CEP85: variants seen among roughly 807,000 people sequenced by gnomAD.
CEP85 encodes the protein centrosomal protein of 85 kDa.
In CEP85, 58 loss-of-function variants were observed where a neutral mutation model predicts 93.7. That is an observed-to-expected ratio of 0.62 (90% CI 0.50 to 0.77). CEP85 has a LOEUF of 0.77. Among genes scored for constraint, CEP85 ranks in the 30% least tolerant of loss-of-function variants. The pLI is 0.00. For missense variants in CEP85, 868 were observed against 922.0 expected (o/e 0.94, Z 0.76); for synonymous variants, 314 against 338.6 (o/e 0.93, Z 0.80).
chr1:26,252,551 A>G (rs1250951187), intron 3 of CEP85, among the ~76,000 whole-genome samples: 1 of 152,140 alleles, frequency 6.6e-6, no homozygotes, highest in Non-Finnish European at 1.5e-5. Flanking sequence ...AAAACAAAAA[A>G]TTGTATTGCT....
intron 2 of CEP85, 40 bp downstream of exon 2, chr1:26,239,878 T>C: frequency 6.8e-7 from 1 of 1,479,780 alleles, no homozygotes; most frequent in South Asian, 1.1e-5. Context: ...TTCTGACCTT[T>C]GTTCTGTTTT....
chr1:26,268,768 C>A, intron 8 of CEP85, 133 bp downstream of exon 8: 2 of 931,396 alleles, frequency 2.1e-6, no homozygotes, highest in Non-Finnish European at 1.5e-6. Context: ...TGTCCAGATT[C>A]ATAATTGTCA....
At chr1:26,245,018 A>G (rs558938176) in intron 3 of CEP85, among the ~76,000 whole-genome samples, 2 of 152,118 alleles carry the variant, frequency 1.3e-5, no homozygotes, top group South Asian at 4.2e-4. Flanking sequence ...GCTGTCACCA[A>G]GTCTGAACGT....
chr1:26,257,514 A>G (rs1375149376), intron 4 of CEP85, 83 bp from the exon 5 acceptor site: 1 of 1,533,220 alleles, frequency 6.5e-7, no homozygotes, highest in Non-Finnish European at 8.9e-7. Flanking sequence ...GGCTTTGACT[A>G]CAGACCCAGC....
intron 1 of CEP85, among the ~76,000 whole-genome samples, chr1:26,234,866 C>T (rs550870741): frequency 1.3e-5 from 2 of 152,294 alleles, no homozygotes; most frequent in Non-Finnish European, 2.9e-5. Context: ...TTTTGCTTCC[C>T]TGGGGACATT....
chr1:26,269,780 G>A (rs898363077), intron 9 of CEP85, among the ~76,000 whole-genome samples, 166 bp downstream of exon 9: 4 of 105,528 alleles, frequency 3.8e-5, no homozygotes, highest in African/African-American at 1.3e-4. Flanking sequence ...TATGGGAAGC[G>A]GCTTTTTTTT....
intron 3 of CEP85, among the ~76,000 whole-genome samples, chr1:26,254,294 T>TC (rs1431108623): frequency 6.6e-6 from 1 of 152,094 alleles, no homozygotes; most frequent in African/African-American, 2.4e-5. Context: ...CTTGCAGTAG[T>TC]CCCCCTCAGA....
At chr1:26,248,347 A>G (rs1286537574) in intron 3 of CEP85, among the ~76,000 whole-genome samples, 1 of 152,200 alleles carries the variant, frequency 6.6e-6, no homozygotes, top group Non-Finnish European at 1.5e-5. Context: ...GACCAGCTGT[A>G]TTTAATTCAG....
chr1:26,266,807 A>C (rs1464795282), intron 7 of CEP85, among the ~76,000 whole-genome samples: 2 of 152,260 alleles, frequency 1.3e-5, no homozygotes, highest in African/African-American at 4.8e-5. Context: ...GCCTCTGTTC[A>C]AATCTTTATT....
chr1:26,238,664 A>G (rs890251072), intron 1 of CEP85, among the ~76,000 whole-genome samples: 3 of 152,228 alleles, frequency 2.0e-5, no homozygotes, highest in Non-Finnish European at 4.4e-5. Flanking sequence ...AAGTGAATTA[A>G]CATGAATTAG....
chr1:26,275,051 C>G lies in CEP85; in HGVS notation c.1882C>G (p.Leu628Val). 6.3e-7 allele frequency: 1 copy of G among 1,577,998 alleles called. No homozygotes were observed. The highest frequency in any genetic ancestry group is 8.6e-7 in the Non-Finnish European group (1 of 1,161,736). Residue 628 changes from leucine (L) to valine (V), a missense_variant, in exon 12 of 14, where the codon CTG becomes GTG. Coordinates refer to ENST00000451429, the MANE Select transcript of CEP85 (RefSeq NM_001319944.2). ...AQRRDSALQQ[L>V]RTAVKELSVQ... ...GCGAAGGGATTCAGCCCTGCAGCAG[C>G]TGCGCACAGCCGTGAAGGAGGTGAG... is the stretch of plus-strand genomic sequence containing the variant.
chr1:26,271,129 G>T (rs2089968574), intron 10 of CEP85, 22 bp downstream of exon 10: 1 of 1,403,996 alleles, frequency 7.1e-7, no homozygotes, highest in South Asian at 1.2e-5. Flanking sequence ...TGTCCAGGCT[G>T]TAACGGAGGG....
intron 7 of CEP85, among the ~76,000 whole-genome samples, chr1:26,261,942 A>G (rs1202579420): frequency 6.6e-6 from 1 of 152,012 alleles, no homozygotes; most frequent in Non-Finnish European, 1.5e-5. Context: ...AGGCCAAGGC[A>G]GGCGAATCAC....
chr1:26,257,805 C>G, intron 5 of CEP85, 75 bp downstream of exon 5: 2 of 1,509,700 alleles, frequency 1.3e-6, no homozygotes, highest in South Asian at 2.4e-5. Context: ...GGAGTCTTCC[C>G]AAGGGCAAAG....
Position 26,234,200 on chromosome 1 carries a change from G to C in CEP85, c.-133G>C, listed in dbSNP as rs999723550. The C allele has an allele frequency of 6.6e-6, 1 of 152,324 alleles. No individual in the cohort carries two copies. Among genetic ancestry groups the C allele is most frequent in the Non-Finnish European group, 1.5e-5 (1 of 68,104 alleles). The allele number at this position is 152,324 out of a possible 1,614,324, so 9.4% of individuals were successfully genotyped here. On this transcript the variant is annotated 5_prime_UTR_variant, in exon 1 of 14. Transcript: ENST00000451429. ...TTCTGTGGCGCGCGGCCTGGCGGGC[G>C]TGCAACGGCCGTTAGAGGAGCTGAG...
At chr1:26,254,364 A>C (rs2089663733) in intron 3 of CEP85, among the ~76,000 whole-genome samples, 1 of 152,062 alleles carries the variant, frequency 6.6e-6, no homozygotes, top group Non-Finnish European at 1.5e-5. Flanking sequence ...GGGCTAATCA[A>C]GGGTTGTCTC....
chr1:26,266,681 C>T (rs1291491319), intron 7 of CEP85, among the ~76,000 whole-genome samples: 2 of 152,148 alleles, frequency 1.3e-5, no homozygotes, highest in African/African-American at 2.4e-5. Context: ...AGGCCTTTGC[C>T]GCCTCTTTGA....
rs1362351156 is a variant in CEP85 at position 26,269,781 on chromosome 1, GC to G, written c.1649+168del. Among the ~76,000 whole-genome samples the G allele has an allele frequency of 3.2e-3, 253 of 78,152 alleles. 2 individuals carry two copies. Among genetic ancestry groups the G allele is most frequent in the African/African-American group, 9.7e-3 (237 of 24,510 alleles). The allele number at this position is 78,152 out of a possible 152,430, so 51.3% of individuals were successfully genotyped here. On this transcript the variant is annotated intron_variant, in intron 9 of 13. Coordinates refer to ENST00000451429, the MANE Select transcript of CEP85 (RefSeq NM_001319944.2). ...ATAGGAAAGCTGCTTATGGGAAGCG[GC>G]TTTTTTTTTTTTTTTTTTTTTTGAG...
chr1:26,269,995 C>A (rs1181091637), intron 9 of CEP85, among the ~76,000 whole-genome samples: 1 of 151,868 alleles, frequency 6.6e-6, no homozygotes. Flanking sequence ...TCACCGTGGT[C>A]TCGATCTCCT....
Sources: gnomAD v4.1 joint callset for allele counts (sites outside exome capture counted in the v4.1 genomes callset) on GRCh38, gnomAD v4.1.1 for gene constraint, MANE v1.5 for transcripts, NCBI Gene and HGNC (gene_info 2026-07-23, HGNC 2026-07-21) for gene names.